The following SLC22A23 variants were observed in gnomAD, a reference collection of about 807,000 sequenced individuals.
SLC22A23 encodes the protein solute carrier family 22 member 23.
SLC22A23 carries 26 observed loss-of-function variants against 61.0 expected under a neutral mutation model. That is an observed-to-expected ratio of 0.43 (90% CI 0.31 to 0.59). The LOEUF (loss-of-function observed/expected upper bound fraction) is 0.59, where lower values mean the gene tolerates loss of function less well. Among genes scored for constraint, SLC22A23 ranks in the 20% least tolerant of loss-of-function variants. The pLI, the probability that SLC22A23 is intolerant of heterozygous loss-of-function variation, is 0.11. For synonymous variants in SLC22A23, 430 were observed against 413.9 expected (o/e 1.04, Z -0.47); for missense variants, 796 against 934.7 (o/e 0.85, Z 1.94).
chr6:3,354,943 G>T (rs1355953869), intron 3 of SLC22A23, among the ~76,000 whole-genome samples: 3 of 152,118 alleles, frequency 2.0e-5, no homozygotes, highest in African/African-American at 7.2e-5. Context: ...GCCAGAGGGT[G>T]ACAGTATCTA....
intron 4 of SLC22A23, among the ~76,000 whole-genome samples, chr6:3,323,060 T>TA (rs143928340): frequency 0.44 from 66,144 of 151,610 alleles, 14,396 homozygotes; most frequent in Middle Eastern, 0.5. Context: ...GGAGAGTTTT[T>TA]TAAAAAACCC....
At chr6:3,433,621 G>A (rs113455918) in intron 1 of SLC22A23, among the ~76,000 whole-genome samples, 295 of 152,304 alleles carry the variant, frequency 1.9e-3, no homozygotes, top group African/African-American at 6.8e-3. Flanking sequence ...GGGCACAGCA[G>A]TCTAAGCATA....
chr6:3,274,178 C>T (rs1175362997), intron 9 of SLC22A23, among the ~76,000 whole-genome samples: 1 of 152,234 alleles, frequency 6.6e-6, no homozygotes, highest in Non-Finnish European at 1.5e-5. Flanking sequence ...ATACGCAAAA[C>T]TTACAGAACC....
chr6:3,402,877 C>T (rs770552670), intron 3 of SLC22A23, among the ~76,000 whole-genome samples: 11 of 152,222 alleles, frequency 7.2e-5, no homozygotes, highest in Non-Finnish European at 1.0e-4. Context: ...CCCTGGCACC[C>T]GACAGGTCCT....
intron 3 of SLC22A23, among the ~76,000 whole-genome samples, chr6:3,369,063 T>A (rs78484400): frequency 0.019 from 2,887 of 148,790 alleles, 31 homozygotes; most frequent in African/African-American, 0.038. Flanking sequence ...TTTTTTTTTT[T>A]ATGAAAATAC....
intron 3 of SLC22A23, among the ~76,000 whole-genome samples, chr6:3,388,513 A>T (rs887623287): frequency 7.2e-5 from 11 of 152,224 alleles, no homozygotes; most frequent in Non-Finnish European, 1.5e-4. Context: ...CCTCGAAAAC[A>T]TAAAAATACA....
In SLC22A23 at chr6:3,427,009, T is replaced by C. The variant is rs115035001; in HGVS notation, c.655-11154A>G. Among the ~76,000 whole-genome samples the C allele has an allele frequency of 8.1e-3, 1,236 of 152,334 alleles. 22 individuals carry two copies. The highest frequency in any genetic ancestry group is 0.029 in the African/African-American group (1,188 of 41,566). ...GTAGCATGGAATTCAGAGCCTAAAG[T>C]GGGGTCTGAGCCAGCTTGCGAATGT... On this transcript the variant is annotated intron_variant, in intron 1 of 9. Transcript: ENST00000406686. This position sits in a 1 kb window ranked among gnomAD's most constrained non-coding sequence, Gnocchi z 4.3.
rs1760086252 is a variant in SLC22A23, at chr6:3,287,104, A to G, written c.1314-13T>C. 1 of 1,612,564 alleles carries G rather than the reference A, an allele frequency of 6.2e-7. No homozygotes were observed. On this transcript the variant is annotated splice_polypyrimidine_tract_variant and intron_variant, in intron 6 of 9. Coordinates refer to ENST00000406686, the MANE Select transcript of SLC22A23 (RefSeq NM_015482.2). ...GTACCCCGTCAGCCTGTGGAGACAT[A>G]CCGAGCGGCAGTGGGTGGGCTGCCC...
At chr6:3,285,179 A>C (rs1759870288) in intron 7 of SLC22A23, 68 bp from the exon 8 acceptor site, 1 of 1,596,528 alleles carries the variant, frequency 6.3e-7, no homozygotes, top group Non-Finnish European at 8.5e-7. Flanking sequence ...AGAAGAGAGC[A>C]CATTAGGTGT....
intron 1 of SLC22A23, among the ~76,000 whole-genome samples, chr6:3,440,394 G>A (rs1007721100): frequency 2.0e-5 from 3 of 152,066 alleles, no homozygotes; most frequent in South Asian, 2.1e-4. Flanking sequence ...GATCCAATTC[G>A]ACTGGGGTCC....
At chr6:3,419,052 C>A (rs552759464) in intron 1 of SLC22A23, among the ~76,000 whole-genome samples, 13 of 152,190 alleles carry the variant, frequency 8.5e-5, no homozygotes, top group Non-Finnish European at 1.8e-4. Context: ...GATATGGCAA[C>A]TGGTCATGTC....
At position 3,285,079 on chromosome 6, in the gene SLC22A23, C is replaced by T. The variant is rs574220048; in HGVS notation, c.1579G>A (p.Gly527Arg). The change falls in exon 8 of 10, where the codon GGG becomes AGG. Residue 527 changes from glycine to arginine, a missense_variant and splice_region_variant. Physicochemically the swap from Gly to Arg is moderately radical, Grantham distance 125. Coordinates refer to ENST00000406686, the MANE Select transcript of SLC22A23 (RefSeq NM_015482.2). Reference sequence around the variant, plus strand: ...CACAGCCCACGCGCTTGGGACTCACCTGAGTCTGGGTGCTGGCTGTACTTT... The same window carrying T: ...CACAGCCCACGCGCTTGGGACTCACTTGAGTCTGGGTGCTGGCTGTACTTT... ...IGKYSQHPDS[G>R]MSDSVKDKFS... is the part of the protein sequence containing the mutation. 1.2e-6 allele frequency: 2 copies of T among 1,612,990 alleles called. No individual in the cohort carries two copies. Among genetic ancestry groups the T allele is most frequent in the Non-Finnish European group, 1.7e-6 (2 of 1,179,516 alleles).
At chr6:3,417,168 T>C (rs1270506955) in intron 1 of SLC22A23, among the ~76,000 whole-genome samples, 1 of 152,154 alleles carries the variant, frequency 6.6e-6, no homozygotes. Context: ...GAAAGGTGCC[T>C]GGCTGGGATA....
At chr6:3,313,657 GTGTC>G (rs1762481318) in intron 4 of SLC22A23, 1 of 152,208 alleles carries the variant, frequency 6.6e-6, no homozygotes, top group South Asian at 2.1e-4. Context: ...GGAAGTTGTT[GTGTC>G]TGTCAAGTTG....
At chr6:3,349,471 G>A (rs1440578615) in intron 3 of SLC22A23, among the ~76,000 whole-genome samples, 1 of 152,224 alleles carries the variant, frequency 6.6e-6, no homozygotes, top group East Asian at 1.9e-4. Context: ...TCTCTAGAAT[G>A]TGGTTCAACC....
rs931656729 is a variant in SLC22A23, at chr6:3,322,805, G to A, written c.1082+1029C>T. 8.5e-5 allele frequency among the ~76,000 whole-genome samples: 13 copies of A among 152,164 alleles called. No homozygotes were observed. The highest frequency in any genetic ancestry group is 2.9e-4 in the African/African-American group (12 of 41,430). On this transcript the variant is annotated intron_variant, in intron 4 of 9. Coordinates refer to ENST00000406686, the MANE Select transcript of SLC22A23 (RefSeq NM_015482.2). The surrounding 1 kb of genome is among the most constrained non-coding windows in gnomAD (Gnocchi z 4.1). Reference sequence around the variant, plus strand: ...AGCTCAGCTCCAGTGAACCCTTAAAGCAAGGACAAGACTGACTGCACGGCC... The same window carrying A: ...AGCTCAGCTCCAGTGAACCCTTAAAACAAGGACAAGACTGACTGCACGGCC...
intron 3 of SLC22A23, among the ~76,000 whole-genome samples, chr6:3,407,231 C>A (rs1245046600): frequency 6.6e-6 from 1 of 152,184 alleles, no homozygotes; most frequent in Non-Finnish European, 1.5e-5. Flanking sequence ...CCTGGCTTAT[C>A]AATAATTTTC....
chr6:3,277,510 C>T (rs964283831), intron 9 of SLC22A23, among the ~76,000 whole-genome samples: 2 of 152,356 alleles, frequency 1.3e-5, no homozygotes, highest in South Asian at 4.1e-4. Context: ...GGAATCCCGT[C>T]CCAGCCACCC....
chr6:3,384,450 C>A (rs1767154784), intron 3 of SLC22A23, among the ~76,000 whole-genome samples: 1 of 152,102 alleles, frequency 6.6e-6, no homozygotes, highest in Admixed American at 6.5e-5. Flanking sequence ...ACTTAAAAAA[C>A]ACATTTTCCT....
Sources: gnomAD v4.1 joint callset for allele counts (sites outside exome capture counted in the v4.1 genomes callset) on GRCh38, gnomAD v4.1.1 for gene constraint, Gnocchi (gnomAD v3.1) non-coding constraint, MANE v1.5 for transcripts, NCBI Gene and HGNC (gene_info 2026-07-23, HGNC 2026-07-21) for gene names.